Variants in IPO11 observed in about 807,000 individuals in gnomAD.
The protein encoded by IPO11 is importin-11.
In IPO11, 66 loss-of-function variants were observed where a neutral mutation model predicts 143.2. The ratio of observed to expected loss-of-function variants is 0.46; its 90% CI spans 0.38 to 0.57. IPO11 has a LOEUF of 0.57. IPO11 is among the 20% of genes least tolerant of loss of function. The probability of loss-of-function intolerance (pLI) is 0.00; values close to 1 mark genes in which losing one functional copy is unlikely to be tolerated. For synonymous variants in IPO11, 385 were observed against 377.8 expected (o/e 1.02, Z -0.22); for missense variants, 1,026 against 1,141.0 (o/e 0.90, Z 1.45).
chr5:62,584,175 A>T (rs947259123), intron 27 of IPO11, among the ~76,000 whole-genome samples: 1 of 152,142 alleles, frequency 6.6e-6, no homozygotes, highest in Non-Finnish European at 1.5e-5. Context: ...CATATCTCTT[A>T]TTTCTGGGAT....
chr5:62,522,532 G>C (rs528633280), intron 20 of IPO11, among the ~76,000 whole-genome samples: 1 of 152,112 alleles, frequency 6.6e-6, no homozygotes, highest in Non-Finnish European at 1.5e-5. Context: ...TGATCTGCCC[G>C]CCTTGACCTC....
intron 20 of IPO11, among the ~76,000 whole-genome samples, chr5:62,520,683 T>C (rs949239203): frequency 6.6e-6 from 1 of 152,220 alleles, no homozygotes; most frequent in African/African-American, 2.4e-5. Flanking sequence ...TTCATCCATG[T>C]CCCTACAAAG....
At chr5:62,570,980 A>G (rs1333038953) in intron 27 of IPO11, among the ~76,000 whole-genome samples, 1 of 152,160 alleles carries the variant, frequency 6.6e-6, no homozygotes, top group Non-Finnish European at 1.5e-5. Flanking sequence ...AAAGTAGTTG[A>G]TGTGATATAG....
intron 24 of IPO11, among the ~76,000 whole-genome samples, chr5:62,548,318 G>C (rs1053295019): frequency 1.3e-5 from 2 of 152,094 alleles, no homozygotes; most frequent in African/African-American, 4.8e-5. Flanking sequence ...CAAGGATTCT[G>C]TTACTTTAAT....
intron 24 of IPO11, among the ~76,000 whole-genome samples, chr5:62,543,664 G>GT: frequency 6.6e-6 from 1 of 151,764 alleles, no homozygotes; most frequent in Non-Finnish European, 1.5e-5. Flanking sequence ...TTTTTGAAGG[G>GT]TTTTTTGTGT....
At chr5:62,559,728 C>T (rs1407425743) in intron 26 of IPO11, among the ~76,000 whole-genome samples, 1 of 151,674 alleles carries the variant, frequency 6.6e-6, no homozygotes, top group African/African-American at 2.4e-5. Context: ...ACCAACCTGG[C>T]CAATATGGTG....
Position 62,475,707 on chromosome 5 carries a change from G to GT in IPO11, c.758-975dup, listed in dbSNP as rs563187010. ...GCATATCACTGTGATATAACTTTCT[G>GT]TAACTGGCAGTTTGATTTTGTAAAT... is the stretch of plus-strand genomic sequence containing the variant. On this transcript the variant is annotated intron_variant, in intron 8 of 29. Transcript: ENST00000325324. 2.6e-4 allele frequency among the ~76,000 whole-genome samples: 39 copies of GT among 152,286 alleles called. 1 individual carries two copies. The South Asian group carries it at 7.0e-3, about 27-fold the overall frequency.
At chr5:62,556,648 C>T (rs1011376532) in intron 26 of IPO11, among the ~76,000 whole-genome samples, 3 of 152,028 alleles carry the variant, frequency 2.0e-5, no homozygotes, top group Admixed American at 1.3e-4. Flanking sequence ...CCAGACTGGG[C>T]AGCAGAACAG....
intron 22 of IPO11, among the ~76,000 whole-genome samples, chr5:62,536,307 T>C (rs1742730913): frequency 6.6e-6 from 1 of 152,038 alleles, no homozygotes. Context: ...AATAGTTAGG[T>C]GGTTTTTTTT....
chr5:62,414,534 G>A (rs1743224328), intron 1 of IPO11, among the ~76,000 whole-genome samples: 1 of 152,180 alleles, frequency 6.6e-6, no homozygotes, highest in African/African-American at 2.4e-5. Flanking sequence ...TTTAGTGCTG[G>A]TGTGAGTCTG....
chr5:62,485,586 C>T (rs536832501), intron 12 of IPO11, 124 bp downstream of exon 12: 2 of 781,354 alleles, frequency 2.6e-6, no homozygotes, highest in African/African-American at 3.5e-5. Context: ...ACACTTTAAT[C>T]CTAGCACTTT....
intron 27 of IPO11, among the ~76,000 whole-genome samples, chr5:62,572,029 A>T (rs1287805592): frequency 2.0e-5 from 3 of 152,200 alleles, no homozygotes; most frequent in Non-Finnish European, 4.4e-5. Context: ...ATAAAGGCTA[A>T]TTACCCACCC....
intron 27 of IPO11, among the ~76,000 whole-genome samples, chr5:62,567,488 TA>T (rs1561365931): frequency 6.8e-5 from 6 of 88,642 alleles, no homozygotes; most frequent in South Asian, 4.6e-4. Flanking sequence ...TTATTATTAT[TA>T]TTATTATTTT....
At chr5:62,424,138 C>CTTTTTT (rs11428881) in intron 1 of IPO11, among the ~76,000 whole-genome samples, 1 of 144,082 alleles carries the variant, frequency 6.9e-6, no homozygotes, top group Non-Finnish European at 1.5e-5. Context: ...CCCACCTCAG[C>CTTTTTT]TTTTTTTTTT....
rs1554046439 is a variant in IPO11, at chr5:62,424,138, C to CA, written c.-7+11209_-7+11210insA. Among the ~76,000 whole-genome samples, 8 of 144,122 alleles carry CA rather than the reference C, an allele frequency of 5.6e-5. No individual in the cohort carries two copies. In the South Asian group the frequency reaches 1.5e-3, roughly 28 times the overall value. 94.5% of individuals were successfully genotyped at this position (144,122 alleles called of 152,430 possible). A position where few individuals can be genotyped will look rare whatever the true frequency, so the allele number is the denominator to read the frequency against. ...GGCTCAAGTCATCCTCCCACCTCAG[C>CA]TTTTTTTTTTTTGTTTTTTGAGATG... On this transcript the variant is annotated intron_variant, in intron 1 of 29. Transcript: ENST00000325324.
chr5:62,580,918 T>G (rs528567299), intron 27 of IPO11: 1 of 1,551,352 alleles, frequency 6.4e-7, no homozygotes, highest in Admixed American at 2.0e-5. Context: ...TTCTGTTACC[T>G]TGAACTTGGA....
chr5:62,553,280 G>T (rs1743452456), intron 26 of IPO11, among the ~76,000 whole-genome samples: 1 of 151,966 alleles, frequency 6.6e-6, no homozygotes, highest in South Asian at 2.1e-4. Flanking sequence ...TGCCATGAAT[G>T]ACAGGAATTC....
At chr5:62,477,876 A>T in intron 9 of IPO11, among the ~76,000 whole-genome samples, 1 of 152,204 alleles carries the variant, frequency 6.6e-6, no homozygotes, top group East Asian at 1.9e-4. Context: ...AAGCAATTTC[A>T]TTTATGAAAT....
chr5:62,487,400 A>G (rs954706621), intron 12 of IPO11, among the ~76,000 whole-genome samples: 3 of 152,166 alleles, frequency 2.0e-5, no homozygotes, highest in South Asian at 2.1e-4. Context: ...GTCTCAAAAA[A>G]AAAAGAATCT....
Sources: gnomAD v4.1 joint callset for allele counts (sites outside exome capture counted in the v4.1 genomes callset) on GRCh38, gnomAD v4.1.1 for gene constraint, MANE v1.5 for transcripts, NCBI Gene and HGNC (gene_info 2026-07-23, HGNC 2026-07-21) for gene names.